Variants in COL26A1 observed in about 807,000 individuals in gnomAD.
COL26A1 encodes the protein collagen alpha-1(XXVI) chain.
In COL26A1, 41 loss-of-function variants were observed where a neutral mutation model predicts 59.3. The ratio of observed to expected loss-of-function variants is 0.69; its 90% CI spans 0.54 to 0.90. The LOEUF (loss-of-function observed/expected upper bound fraction) is 0.90, where lower values mean the gene tolerates loss of function less well. COL26A1 is among the 40% of genes least tolerant of loss of function. COL26A1 has a pLI of 0.00. For synonymous variants in COL26A1, 266 were observed against 256.0 expected (o/e 1.04, Z -0.37); for missense variants, 612 against 602.3 (o/e 1.02, Z -0.17).
intron 3 of COL26A1, among the ~76,000 whole-genome samples, chr7:101,530,582 A>AC (rs1795344861): frequency 1.3e-5 from 2 of 150,534 alleles, no homozygotes; most frequent in East Asian, 3.9e-4. Flanking sequence ...AAAAAAAAAA[A>AC]AAAAAAAAAG....
chr7:101,432,093 G>A (rs762580616), intron 2 of COL26A1, among the ~76,000 whole-genome samples: 3 of 151,480 alleles, frequency 2.0e-5, no homozygotes, highest in Non-Finnish European at 2.9e-5. Context: ...CCCGAGTAGC[G>A]GGGATTACAG....
chr7:101,434,680 G>A (rs1792874277), intron 2 of COL26A1, among the ~76,000 whole-genome samples: 1 of 152,144 alleles, frequency 6.6e-6, no homozygotes, highest in Admixed American at 6.5e-5. Flanking sequence ...GACAGGGTGC[G>A]AGGCAGGGTG....
chr7:101,381,513 A>G (rs1240870090), intron 1 of COL26A1, among the ~76,000 whole-genome samples: 3 of 152,152 alleles, frequency 2.0e-5, no homozygotes, highest in Non-Finnish European at 2.9e-5. Flanking sequence ...TTATTGGCTC[A>G]TGGCTCTGGA....
At chr7:101,400,980 T>C (rs1791983429) in intron 1 of COL26A1, among the ~76,000 whole-genome samples, 1 of 152,200 alleles carries the variant, frequency 6.6e-6, no homozygotes, top group South Asian at 2.1e-4. Flanking sequence ...GTGGTCTCTC[T>C]GCAGGCTGCA....
At chr7:101,551,745 CAA>C (rs11351013) in intron 10 of COL26A1, among the ~76,000 whole-genome samples, 81 of 137,594 alleles carry the variant, frequency 5.9e-4, no homozygotes, top group African/African-American at 5.6e-4. Flanking sequence ...GACTCCATCT[CAA>C]AAAAAAAAAA....
At chr7:101,424,134 G>A (rs568907098) in intron 2 of COL26A1, among the ~76,000 whole-genome samples, 13 of 152,068 alleles carry the variant, frequency 8.5e-5, no homozygotes, top group African/African-American at 1.7e-4. Context: ...CCAGGAGTTC[G>A]AGGCTGCAGT....
chr7:101,490,916 G>A (rs1026371705), intron 3 of COL26A1, among the ~76,000 whole-genome samples: 2 of 149,330 alleles, frequency 1.3e-5, no homozygotes. Flanking sequence ...GGAGAATTAC[G>A]TGAGGTTGCA....
At chr7:101,368,716 G>A (rs968216050) in intron 1 of COL26A1, among the ~76,000 whole-genome samples, 2 of 152,148 alleles carry the variant, frequency 1.3e-5, no homozygotes, top group Non-Finnish European at 2.9e-5. Context: ...ATGGGGATGT[G>A]CTTCGTCCTA....
chr7:101,383,957 G>T (rs146813138), intron 1 of COL26A1, among the ~76,000 whole-genome samples: 1 of 151,794 alleles, frequency 6.6e-6, no homozygotes, highest in Non-Finnish European at 1.5e-5. Context: ...GGCATGAGCC[G>T]CTGTGCCCAG....
chr7:101,420,434 C>T (rs896750210), intron 2 of COL26A1, among the ~76,000 whole-genome samples: 2 of 152,120 alleles, frequency 1.3e-5, no homozygotes, highest in East Asian at 1.9e-4. Context: ...AGCCTTATGG[C>T]TCCAGGCTGG....
At chr7:101,414,684 A>G (rs11769161) in intron 1 of COL26A1, among the ~76,000 whole-genome samples, 2,310 of 152,218 alleles carry the variant, frequency 0.015, 24 homozygotes, top group East Asian at 0.037. Context: ...TGATCCGCCC[A>G]TCTCGGCCTC....
chr7:101,545,553 G>A, intron 7 of COL26A1, 63 bp downstream of exon 7: 1 of 1,514,776 alleles, frequency 6.6e-7, no homozygotes, highest in South Asian at 1.3e-5. Flanking sequence ...GGAGGGATCA[G>A]CCTTCCTTAA....
intron 5 of COL26A1, among the ~76,000 whole-genome samples, chr7:101,542,709 C>T (rs1447550179): frequency 6.6e-6 from 1 of 152,150 alleles, no homozygotes; most frequent in African/African-American, 2.4e-5. Context: ...AGTAGGGTAT[C>T]CTGCATTCTT....
chr7:101,384,790 T>C (rs994414570), intron 1 of COL26A1, among the ~76,000 whole-genome samples: 7 of 152,026 alleles, frequency 4.6e-5, no homozygotes, highest in African/African-American at 1.7e-4. Flanking sequence ...TAATAAGCCG[T>C]CTACAAGCTG....
At chr7:101,553,293 G>T (rs370757377) in intron 10 of COL26A1, 33 bp from the exon 11 acceptor site, 1 of 1,608,014 alleles carries the variant, frequency 6.2e-7, no homozygotes, top group Non-Finnish European at 8.5e-7. Context: ...CCCACCTCCC[G>T]TTCCAGTGTT....
chr7:101,374,187 G>A (rs527925409), intron 1 of COL26A1, among the ~76,000 whole-genome samples: 1 of 152,274 alleles, frequency 6.6e-6, no homozygotes, highest in Non-Finnish European at 1.5e-5. Flanking sequence ...CTGCCTCCCA[G>A]AAACCAGGGT....
At chr7:101,463,042 A>G (rs894441102) in intron 3 of COL26A1, among the ~76,000 whole-genome samples, 1 of 152,232 alleles carries the variant, frequency 6.6e-6, no homozygotes, top group African/African-American at 2.4e-5. Context: ...TTGACAAGCC[A>G]GAAGTGGGCT....
chr7:101,369,572 C>T (rs1046523112), intron 1 of COL26A1, among the ~76,000 whole-genome samples: 1 of 147,540 alleles, frequency 6.8e-6, no homozygotes, highest in African/African-American at 2.5e-5. Context: ...CCTCAGCCTT[C>T]TGAGTAGCTG....
chr7:101,514,118 T>C (rs4418274), intron 3 of COL26A1, among the ~76,000 whole-genome samples: 26,938 of 151,912 alleles, frequency 0.18, 2,716 homozygotes, highest in African/African-American at 0.27. Context: ...GGTGGATCAT[T>C]TGAGGTCAGG....
Sources: allele counts gnomAD v4.1 joint callset (sites outside exome capture counted in the v4.1 genomes callset), GRCh38; gene constraint gnomAD v4.1.1; transcripts MANE v1.5; gene names NCBI Gene and HGNC (gene_info 2026-07-23, HGNC 2026-07-21).